Variants in FOXN3 observed in about 807,000 individuals in gnomAD.
FOXN3 encodes forkhead box protein N3.
In FOXN3, 7 loss-of-function variants were observed where a neutral mutation model predicts 38.4. The observed-to-expected ratio is 0.18, with a 90% CI of 0.10 to 0.34. The LOEUF (loss-of-function observed/expected upper bound fraction) is 0.34. Ranked by LOEUF, FOXN3 falls within the 10% of genes least tolerant of loss-of-function variation. FOXN3 has a pLI of 1.00. For missense variants in FOXN3, 456 were observed against 613.4 expected, an observed-to-expected ratio of 0.74 and a Z score of 2.71; for synonymous variants, 230 against 242.2, an observed-to-expected ratio of 0.95 and a Z score of 0.47.
chr14:89,491,458 G>GT (rs1273136568), intron 1 of FOXN3, among the ~76,000 whole-genome samples: 2 of 152,244 alleles, frequency 1.3e-5, no homozygotes, highest in African/African-American at 4.8e-5. Context: ...CTGGACAGAG[G>GT]TAACGGTGAG....
At chr14:89,217,809 C>G (rs1255096153) in intron 4 of FOXN3, among the ~76,000 whole-genome samples, 1 of 152,240 alleles carries the variant, frequency 6.6e-6, no homozygotes, top group East Asian at 1.9e-4. Context: ...TTTGCAGTGA[C>G]CCACTTCCCT....
At position 89,161,352 on chromosome 14, in the gene FOXN3, A is replaced by T. The variant is rs1287511704; in HGVS notation, c.*1062T>A. ...GTACCTTTAATCTTAAAAATACACCACAATACTAATGGCAGGTTCCGTAGC... is the reference window on the plus strand; with the variant it reads ...GTACCTTTAATCTTAAAAATACACCTCAATACTAATGGCAGGTTCCGTAGC... On this transcript the variant is annotated 3_prime_UTR_variant, in exon 6 of 6. Transcript: ENST00000557258. The T allele has an allele frequency of 6.7e-6, 1 of 149,832 alleles. No homozygotes were observed. The highest frequency in any genetic ancestry group is 2.4e-5 in the African/African-American group (1 of 40,834). 9.3% of individuals were successfully genotyped at this position (149,832 alleles called of 1,614,324 possible). A position where few individuals can be genotyped will look rare whatever the true frequency, so the allele number is the denominator to read the frequency against.
intron 1 of FOXN3, among the ~76,000 whole-genome samples, chr14:89,487,725 C>T (rs571239746): frequency 6.6e-6 from 1 of 152,078 alleles, no homozygotes; most frequent in Admixed American, 6.6e-5. Context: ...AATATATTGT[C>T]CACTATGGAC....
At chr14:89,595,091 A>T (rs1192914649) in intron 1 of FOXN3, among the ~76,000 whole-genome samples, 1 of 151,554 alleles carries the variant, frequency 6.6e-6, no homozygotes, top group Non-Finnish European at 1.5e-5. Context: ...CCGAGGCGGG[A>T]GGATCACAAG....
At chr14:89,419,972 C>T (rs921342165), upstream of FOXN3, among the ~76,000 whole-genome samples, 2 of 152,170 alleles carry the variant, frequency 1.3e-5, no homozygotes, top group Non-Finnish European at 2.9e-5. Context: ...AGACAGTCTT[C>T]TGGGGAGGGA....
chr14:89,180,719 C>T lies in FOXN3; in HGVS notation c.833G>A (p.Gly278Glu), dbSNP rs1451138748. The part of the protein sequence containing the change: ...GVRPLPITPI[G>E]VTAAMRNGIT... ...CACTTACCTCATGGCCGCTGTCACC[C>T]CAATGGGAGTGATTGGCAGCGGCCG... is the stretch of plus-strand genomic sequence containing the variant. Residue 278 changes from glycine to glutamate, a missense_variant, in exon 5 of 6, where the codon GGG (glycine) becomes GAG (glutamate). Around this residue, in one of 3 missense-constraint regions of FOXN3, gnomAD observed 386 missense variants for 505.2 expected, o/e 0.76. Transcript: ENST00000557258. 3.1e-6 allele frequency: 5 copies of T among 1,610,664 alleles called. No individual in the cohort carries two copies. The highest frequency in any genetic ancestry group is 4.2e-6 in the Non-Finnish European group (5 of 1,178,424).
rs34575638 is a variant in FOXN3 at position 89,177,009 on chromosome 14, CTTTT to C, written c.851+3688_851+3691del. The stretch of plus-strand genomic sequence containing the variant: ...TGGTTATCTCTCTCTCTCTTTCTTT[CTTTT>C]TTTTTTTTTTTTTTTTTGACAGAGT... On this transcript the variant is annotated intron_variant, in intron 5 of 5. Coordinates refer to ENST00000557258, the MANE Select transcript of FOXN3 (RefSeq NM_005197.4). 1.8e-3 allele frequency among the ~76,000 whole-genome samples: 202 copies of C among 114,172 alleles called. 1 individual carries two copies. Among genetic ancestry groups the C allele is most frequent in the African/African-American group, 3.6e-3 (109 of 30,192 alleles). 74.9% of individuals were successfully genotyped at this position (114,172 alleles called of 152,430 possible).
At chr14:89,302,878 T>C (rs1447459555) in intron 3 of FOXN3, among the ~76,000 whole-genome samples, 2 of 152,220 alleles carry the variant, frequency 1.3e-5, no homozygotes, top group African/African-American at 4.8e-5. Flanking sequence ...CAAGTTTTAG[T>C]ACTGTGCTAC....
At chr14:89,415,881 C>CACACACACACACACAT (rs1566647911) in intron 1 of FOXN3, among the ~76,000 whole-genome samples, 1 of 148,212 alleles carries the variant, frequency 6.7e-6, no homozygotes. Flanking sequence ...CACACACACA[C>CACACACACACACACAT]ACCCTCTTTT....
chr14:89,250,738 C>A (rs758710116), intron 4 of FOXN3, among the ~76,000 whole-genome samples: 1 of 152,176 alleles, frequency 6.6e-6, no homozygotes, highest in Non-Finnish European at 1.5e-5. Context: ...AATTCCCATG[C>A]GTTATGGGAG....
intron 3 of FOXN3, among the ~76,000 whole-genome samples, chr14:89,304,236 G>GAA: frequency 6.6e-6 from 1 of 152,334 alleles, no homozygotes; most frequent in Non-Finnish European, 1.5e-5. Flanking sequence ...AAATACCACT[G>GAA]AAAAGGGACA....
At chr14:89,377,065 A>C (rs1318199686) in intron 2 of FOXN3, among the ~76,000 whole-genome samples, 1 of 143,848 alleles carries the variant, frequency 7.0e-6, no homozygotes, top group Non-Finnish European at 1.5e-5. Flanking sequence ...GCTTGAGCCT[A>C]CATAAGCATT....
intron 1 of FOXN3, among the ~76,000 whole-genome samples, chr14:89,552,875 A>C (rs1412768959): frequency 6.6e-6 from 1 of 152,202 alleles, no homozygotes; most frequent in Non-Finnish European, 1.5e-5. Context: ...TGGGTAAAAG[A>C]GCGAGACTCC....
chr14:89,294,507 G>A (rs939221686), intron 3 of FOXN3, among the ~76,000 whole-genome samples: 1 of 152,188 alleles, frequency 6.6e-6, no homozygotes, highest in Non-Finnish European at 1.5e-5. Flanking sequence ...AAATGAGGCT[G>A]AGACCTACTG....
intron 3 of FOXN3, among the ~76,000 whole-genome samples, chr14:89,311,636 C>G (rs1339240483): frequency 6.6e-6 from 1 of 150,960 alleles, no homozygotes; most frequent in Non-Finnish European, 1.5e-5. Flanking sequence ...ACCATCCTGG[C>G]TAACCGGATG....
chr14:89,292,737 C>A (rs577191165), intron 3 of FOXN3, among the ~76,000 whole-genome samples: 1 of 152,210 alleles, frequency 6.6e-6, no homozygotes, highest in South Asian at 2.1e-4. Flanking sequence ...TCCAGCATAG[C>A]GAGAGATCTA....
intron 3 of FOXN3, among the ~76,000 whole-genome samples, chr14:89,337,928 C>A (rs1315896889): frequency 6.6e-6 from 1 of 152,184 alleles, no homozygotes; most frequent in Non-Finnish European, 1.5e-5. Context: ...CCGTGCCCAG[C>A]CACATTTACA....
chr14:89,554,788 T>C (rs1007049671), intron 1 of FOXN3, among the ~76,000 whole-genome samples: 7 of 143,848 alleles, frequency 4.9e-5, no homozygotes, highest in African/African-American at 1.8e-4. Context: ...ATTTCTTTTT[T>C]TTTTTTTTTT....
chr14:89,616,589 T>C (rs1896499354), intron 1 of FOXN3, among the ~76,000 whole-genome samples: 1 of 144,556 alleles, frequency 6.9e-6, no homozygotes, highest in Admixed American at 7.0e-5. Flanking sequence ...GTTCCATTGC[T>C]TGAGTTCAAC....
Sources: allele counts gnomAD v4.1 joint callset (sites outside exome capture counted in the v4.1 genomes callset), GRCh38; gene constraint gnomAD v4.1.1; regional missense constraint gnomAD v4.1.1; transcripts MANE v1.5; gene names NCBI Gene and HGNC (gene_info 2026-07-23, HGNC 2026-07-21).